Variants in TAFA1 observed in about 807,000 individuals in gnomAD.
TAFA1 encodes TAFA chemokine like family member 1, also known as chemokine-like protein TAFA-1.
In TAFA1, 4 loss-of-function variants were observed where a neutral mutation model predicts 18.5. The observed-to-expected ratio is 0.22, with a 90% CI of 0.11 to 0.49. The LOEUF is 0.49. TAFA1 is among the 20% of genes least tolerant of loss of function. The probability of loss-of-function intolerance (pLI) is 0.98; values close to 1 mark genes in which losing one functional copy is unlikely to be tolerated. For synonymous variants in TAFA1, 56 were observed against 55.2 expected, an observed-to-expected ratio of 1.01 and a Z score of -0.06; for missense variants, 147 against 169.0, an observed-to-expected ratio of 0.87 and a Z score of 0.72.
At chr3:68,275,870 C>G (rs1473920070) in intron 2 of TAFA1, among the ~76,000 whole-genome samples, 2 of 152,014 alleles carry the variant, frequency 1.3e-5, no homozygotes, top group African/African-American at 4.8e-5. Flanking sequence ...CCCCCAAATG[C>G]GACTACCTAA....
intron 2 of TAFA1, among the ~76,000 whole-genome samples, chr3:68,330,121 C>G (rs925797044): frequency 6.6e-6 from 1 of 152,156 alleles, no homozygotes; most frequent in African/African-American, 2.4e-5. Flanking sequence ...CTAATTCTTA[C>G]AGAAACTGGC....
intron 2 of TAFA1, among the ~76,000 whole-genome samples, chr3:68,130,155 A>G (rs1381900751): frequency 2.0e-5 from 3 of 152,228 alleles, no homozygotes; most frequent in Non-Finnish European, 2.9e-5. Flanking sequence ...CCCAAAGGGT[A>G]TCCGTGAAGG....
chr3:68,217,360 G>T (rs72924513), intron 2 of TAFA1, among the ~76,000 whole-genome samples: 8 of 151,750 alleles, frequency 5.3e-5, no homozygotes, highest in African/African-American at 1.9e-4. Flanking sequence ...TATAAATTGA[G>T]CAATGTTCTA....
intron 2 of TAFA1, among the ~76,000 whole-genome samples, chr3:68,183,147 G>A (rs2066225492): frequency 6.6e-6 from 1 of 152,020 alleles, no homozygotes; most frequent in Non-Finnish European, 1.5e-5. Flanking sequence ...GGTTTGAGAG[G>A]GCTTTAATTC....
chr3:68,426,360 G>C (rs1338352284), intron 3 of TAFA1, among the ~76,000 whole-genome samples: 1 of 151,528 alleles, frequency 6.6e-6, no homozygotes, highest in Non-Finnish European at 1.5e-5. Flanking sequence ...AAAAATATTT[G>C]GGTACATGCA....
intron 3 of TAFA1, among the ~76,000 whole-genome samples, chr3:68,487,665 C>T (rs1484260687): frequency 4.0e-5 from 6 of 149,312 alleles, no homozygotes; most frequent in Middle Eastern, 3.5e-3. Flanking sequence ...GGCAGGAGAA[C>T]GGTGTGAACC....
chr3:68,465,757 C>T (rs1014843037), intron 3 of TAFA1, among the ~76,000 whole-genome samples: 1 of 152,134 alleles, frequency 6.6e-6, no homozygotes, highest in African/African-American at 2.4e-5. Flanking sequence ...CTCTGAAGGA[C>T]AACCATTCTA....
At chr3:68,185,773 G>A (rs1201041889) in intron 2 of TAFA1, among the ~76,000 whole-genome samples, 3 of 151,962 alleles carry the variant, frequency 2.0e-5, no homozygotes, top group African/African-American at 7.2e-5. Flanking sequence ...CTAGCCAGGT[G>A]TGGTGGCGCC....
chr3:68,094,430 C>T (rs1391910039), intron 2 of TAFA1, among the ~76,000 whole-genome samples: 1 of 152,102 alleles, frequency 6.6e-6, no homozygotes, highest in African/African-American at 2.4e-5. Context: ...TCCTGGAACA[C>T]AGTAGGGACT....
chr3:68,423,221 A>G lies in TAFA1; in HGVS notation c.259+5801A>G, dbSNP rs550490422. On this transcript the variant is annotated intron_variant, in intron 3 of 4. Transcript: ENST00000478136. ...ATAATGTTTACCATTTTTTAAGGCT[A>G]TTATGTGCTACTGTCCCAACTACTC... Among the ~76,000 whole-genome samples, 12 of 152,246 alleles carry G rather than the reference A, an allele frequency of 7.9e-5. No individual in the cohort carries two copies. In the South Asian group the frequency reaches 2.5e-3, roughly 32 times the overall value.
intron 2 of TAFA1, among the ~76,000 whole-genome samples, chr3:68,168,584 T>A (rs2066013789): frequency 6.6e-6 from 1 of 152,218 alleles, no homozygotes; most frequent in Non-Finnish European, 1.5e-5. Flanking sequence ...TTTCTTTAGA[T>A]CCTGGTAGCA....
At chr3:68,281,845 T>C (rs1473499393) in intron 2 of TAFA1, among the ~76,000 whole-genome samples, 1 of 152,134 alleles carries the variant, frequency 6.6e-6, no homozygotes, top group African/African-American at 2.4e-5. Flanking sequence ...TTCCTTATAA[T>C]AAAGGATTGA....
chr3:68,148,943 G>A (rs1017107448), intron 2 of TAFA1, among the ~76,000 whole-genome samples: 2 of 152,188 alleles, frequency 1.3e-5, no homozygotes, highest in African/African-American at 2.4e-5. Context: ...TGCCTTGGAT[G>A]TATACATAAA....
At chr3:68,481,676 A>G (rs747912682) in intron 3 of TAFA1, among the ~76,000 whole-genome samples, 1 of 152,216 alleles carries the variant, frequency 6.6e-6, no homozygotes, top group African/African-American at 2.4e-5. Flanking sequence ...GTTAATTTAT[A>G]TAAAGCAGAT....
intron 2 of TAFA1, among the ~76,000 whole-genome samples, chr3:68,361,039 A>C (rs1286303838): frequency 6.6e-6 from 1 of 152,080 alleles, no homozygotes; most frequent in Non-Finnish European, 1.5e-5. Context: ...TGAAAACTTT[A>C]ATTACTGTCA....
chr3:68,544,747 A>C lies in TAFA1; in HGVS notation c.*244A>C, dbSNP rs527299506. On this transcript the variant is annotated 3_prime_UTR_variant, in exon 5 of 5. Transcript: ENST00000478136. ...TTTCTCAGTGAAATTTTTGGGCATC[A>C]TGAAGAACGATCAACTATCTTCTAA... 4.5e-5 allele frequency: 17 copies of C among 379,256 alleles called. No individual in the cohort carries two copies. Among genetic ancestry groups the C allele is most frequent in the African/African-American group, 2.1e-4 (10 of 48,036 alleles). The allele number at this position is 379,256 out of a possible 1,614,324, so 23.5% of individuals were successfully genotyped here. A position where few individuals can be genotyped will look rare whatever the true frequency, so the allele number is the denominator to read the frequency against.
At chr3:68,344,632 C>T (rs1334237283) in intron 2 of TAFA1, among the ~76,000 whole-genome samples, 4 of 152,092 alleles carry the variant, frequency 2.6e-5, no homozygotes, top group Non-Finnish European at 5.9e-5. Flanking sequence ...CCTGACTTTT[C>T]CCCCTAGCTT....
chr3:68,318,617 TTTC>T (rs2068644905), intron 2 of TAFA1, among the ~76,000 whole-genome samples: 1 of 152,222 alleles, frequency 6.6e-6, no homozygotes, highest in Non-Finnish European at 1.5e-5. Flanking sequence ...TTGTTATGTT[TTTC>T]TTCTTCTTTG....
At chr3:68,482,729 A>G (rs2072261192) in intron 3 of TAFA1, among the ~76,000 whole-genome samples, 1 of 152,196 alleles carries the variant, frequency 6.6e-6, no homozygotes, top group Admixed American at 6.5e-5. Flanking sequence ...TTCTGAGCCA[A>G]TTTAAACAAC....
Sources: allele counts gnomAD v4.1 joint callset (sites outside exome capture counted in the v4.1 genomes callset), GRCh38; gene constraint gnomAD v4.1.1; transcripts MANE v1.5; gene names NCBI Gene and HGNC (gene_info 2026-07-23, HGNC 2026-07-21).